The following SOX6 variants were observed in gnomAD, a reference collection of about 807,000 sequenced individuals.
SOX6 encodes transcription factor SOX-6.
In SOX6, 11 loss-of-function variants were observed where a neutral mutation model predicts 97.8. That is an observed-to-expected ratio of 0.11 (90% CI 0.07 to 0.19). SOX6 has a LOEUF of 0.19. SOX6 is among the 10% of genes least tolerant of loss of function. The pLI is 1.00. For missense variants in SOX6, 810 were observed against 1,039.5 expected (o/e 0.78, Z 3.04); for synonymous variants, 360 against 371.4 (o/e 0.97, Z 0.35).
intron 4 of SOX6, among the ~76,000 whole-genome samples, chr11:16,500,158 G>A (rs11511859): frequency 0.18 from 26,755 of 152,020 alleles, 2,753 homozygotes; most frequent in Admixed American, 0.31. Flanking sequence ...GGTTCAACAT[G>A]CGCAAATCAA....
chr11:16,542,653 A>ATTATTAATTATTAATTAATAATAAT (rs1161451874), intron 4 of SOX6, among the ~76,000 whole-genome samples: 1 of 152,170 alleles, frequency 6.6e-6, no homozygotes, highest in African/African-American at 2.4e-5. Flanking sequence ...TGAGTTTTTA[A>ATTATTAATTATTAATTAATAATAAT]TAACTTGAAT....
intron 1 of SOX6, among the ~76,000 whole-genome samples, chr11:16,425,313 C>T (rs546791169): frequency 2.0e-5 from 3 of 152,184 alleles, no homozygotes; most frequent in Non-Finnish European, 4.4e-5. Flanking sequence ...TTCATTCTCT[C>T]ATTTATTCAT....
chr11:15,968,894 T>G lies in SOX6; in HGVS notation c.*3915A>C, dbSNP rs1006756302. 1 of 152,118 alleles carries G rather than the reference T, an allele frequency of 6.6e-6. No homozygotes were observed. The highest frequency in any genetic ancestry group is 2.4e-5 in the African/African-American group (1 of 41,406). The allele number at this position is 152,118 out of a possible 1,614,324, so 9.4% of individuals were successfully genotyped here. A position where few individuals can be genotyped will look rare whatever the true frequency, so the allele number is the denominator to read the frequency against. ...TCTAAAAGGCTGAGCTGGGTACACA[T>G]GAAAACAACAAAGCTTCCGTACCTT... is the stretch of plus-strand genomic sequence containing the variant. On this transcript the variant is annotated 3_prime_UTR_variant, in exon 16 of 16. Coordinates refer to ENST00000683767, the MANE Select transcript of SOX6 (RefSeq NM_001367873.1).
intron 6 of SOX6, among the ~76,000 whole-genome samples, chr11:16,138,347 C>T (rs1850029554): frequency 6.6e-6 from 1 of 151,992 alleles, no homozygotes; most frequent in Non-Finnish European, 1.5e-5. Flanking sequence ...CTAAAAAGAG[C>T]CAGGATTCAA....
intron 9 of SOX6, among the ~76,000 whole-genome samples, chr11:16,080,539 A>G (rs577767783): frequency 4.7e-5 from 7 of 148,984 alleles, no homozygotes; most frequent in Non-Finnish European, 8.8e-5. Context: ...GGCTCTTGTT[A>G]TTCTTAAAGG....
intron 4 of SOX6, among the ~76,000 whole-genome samples, chr11:16,189,726 G>A (rs947511859): frequency 2.6e-5 from 4 of 152,088 alleles, no homozygotes; most frequent in Admixed American, 1.3e-4. Flanking sequence ...GGATGTATAC[G>A]TATTTTATTA....
chr11:16,471,013 T>A (rs184567752), intron 1 of SOX6, among the ~76,000 whole-genome samples: 20 of 151,912 alleles, frequency 1.3e-4, no homozygotes, highest in Admixed American at 1.2e-3. Context: ...TTAAAGGAAT[T>A]CATTATCAAA....
intron 6 of SOX6, among the ~76,000 whole-genome samples, chr11:16,117,367 A>G (rs924495930): frequency 6.8e-6 from 1 of 146,352 alleles, no homozygotes; most frequent in Non-Finnish European, 1.5e-5. Flanking sequence ...ACAAAACAAA[A>G]CAAAAACAAA....
intron 6 of SOX6, among the ~76,000 whole-genome samples, chr11:16,161,956 C>T (rs1182179902): frequency 6.6e-6 from 1 of 152,166 alleles, no homozygotes. Flanking sequence ...AATTAATAGA[C>T]TATTCTGTTT....
chr11:16,214,452 T>C (rs1449447705), intron 4 of SOX6, among the ~76,000 whole-genome samples: 1 of 152,200 alleles, frequency 6.6e-6, no homozygotes, highest in East Asian at 1.9e-4. Context: ...TTTTTGACAC[T>C]TGTTATCTAA....
At chr11:16,363,802 T>A (rs376320477) in intron 1 of SOX6, among the ~76,000 whole-genome samples, 5 of 147,410 alleles carry the variant, frequency 3.4e-5, no homozygotes, top group African/African-American at 2.5e-5. Context: ...AGCTTAAAGA[T>A]AAAAAAAAAA....
intron 2 of SOX6, among the ~76,000 whole-genome samples, chr11:16,719,685 A>C (rs973398093): frequency 3.3e-5 from 5 of 152,236 alleles, no homozygotes; most frequent in Non-Finnish European, 5.9e-5. Flanking sequence ...ACATTTTGGG[A>C]GGCCAAGGCC....
chr11:16,116,479 C>T (rs972846672), intron 6 of SOX6, among the ~76,000 whole-genome samples: 2 of 151,886 alleles, frequency 1.3e-5, no homozygotes, highest in African/African-American at 4.8e-5. Flanking sequence ...CTTTGAAAAA[C>T]AGATCTAAGA....
Position 15,989,188 on chromosome 11 carries a change from T to C in SOX6, c.1775A>G (p.Tyr592Cys), listed in dbSNP as rs758901185. The change falls in exon 14 of 16, where the codon TAT becomes TGT. Residue 592 changes from tyrosine to cysteine, a missense_variant. Tyr to Cys is a radical substitution (Grantham distance 194, BLOSUM62 -2). This residue lies in a region of SOX6 where 120 missense variants were observed against 127.0 expected (regional missense o/e 0.94). Transcript: ENST00000683767. The stretch of plus-strand genomic sequence containing the variant: ...GGCACCTCCTGTTGGCCAACAATAA[T>C]ACTGCTGTAGTTTAGCTGCAGAGCC... Reference protein sequence around the residue: ...MNGSAAKLQQYYCWPTGGATV... With the variant: ...MNGSAAKLQQCYCWPTGGATV... 2.5e-6 allele frequency: 4 copies of C among 1,613,814 alleles called. No individual in the cohort carries two copies. Among genetic ancestry groups the C allele is most frequent in the Non-Finnish European group, 2.5e-6 (3 of 1,179,754 alleles).
intron 1 of SOX6, among the ~76,000 whole-genome samples, chr11:16,387,133 C>T (rs1234459554): frequency 1.3e-5 from 2 of 152,162 alleles, no homozygotes; most frequent in Non-Finnish European, 2.9e-5. Flanking sequence ...CTTGTCAGCA[C>T]ATTGAAGTCA....
intron 3 of SOX6, among the ~76,000 whole-genome samples, chr11:16,627,352 C>G (rs1203641602): frequency 6.6e-6 from 1 of 152,194 alleles, no homozygotes; most frequent in Non-Finnish European, 1.5e-5. Context: ...ATTGGGATAG[C>G]TGGGTTGAAT....
At chr11:16,642,735 T>C (rs982312624) in intron 3 of SOX6, among the ~76,000 whole-genome samples, 3 of 152,254 alleles carry the variant, frequency 2.0e-5, no homozygotes, top group Non-Finnish European at 4.4e-5. Context: ...ATTTGTCACA[T>C]AGTTCTCATG....
chr11:16,118,143 C>T (rs1461264390), intron 6 of SOX6, among the ~76,000 whole-genome samples: 1 of 152,142 alleles, frequency 6.6e-6, no homozygotes, highest in Non-Finnish European at 1.5e-5. Context: ...AAAGTAAGCA[C>T]TATCTGGCTG....
Position 16,232,602 on chromosome 11 carries a change from G to T in SOX6, c.535+1980C>A, listed in dbSNP as rs374970226. 2.0e-4 allele frequency among the ~76,000 whole-genome samples: 30 copies of T among 152,052 alleles called. No individual in the cohort carries two copies. The South Asian group carries it at 5.4e-3, about 27-fold the overall frequency. ...TTAAATATAAAGAAAGACGGAAAGGGGGGGAGAAAATATACCCTGAAGTAC... is the reference window on the plus strand; with the variant it reads ...TTAAATATAAAGAAAGACGGAAAGGTGGGGAGAAAATATACCCTGAAGTAC... On this transcript the variant is annotated intron_variant, in intron 4 of 15. Transcript: ENST00000683767.
Sources: allele counts gnomAD v4.1 joint callset (sites outside exome capture counted in the v4.1 genomes callset), GRCh38; gene constraint gnomAD v4.1.1; regional missense constraint gnomAD v4.1.1; transcripts MANE v1.5; gene names NCBI Gene and HGNC (gene_info 2026-07-23, HGNC 2026-07-21).